OTUD7A: variants seen among roughly 807,000 people sequenced by gnomAD.
OTUD7A encodes the protein OTU deubiquitinase 7A.
OTUD7A carries 12 observed loss-of-function variants against 65.7 expected under a neutral mutation model. The observed-to-expected ratio is 0.18, with a 90% CI of 0.12 to 0.30. The LOEUF is 0.30. OTUD7A is among the 10% of genes least tolerant of loss of function. OTUD7A has a pLI of 1.00. For missense variants in OTUD7A, 1,148 were observed against 1,304.8 expected (o/e 0.88, Z 1.85); for synonymous variants, 641 against 586.3 (o/e 1.09, Z -1.35).
At chr15:31,628,132 A>G (rs1891022085) in intron 3 of OTUD7A, among the ~76,000 whole-genome samples, 1 of 152,056 alleles carries the variant, frequency 6.6e-6, no homozygotes, top group African/African-American at 2.4e-5. Context: ...TTTTGTTGCC[A>G]TTGCTTTTGG....
intron 3 of OTUD7A, among the ~76,000 whole-genome samples, chr15:31,583,494 G>A (rs1305326911): frequency 6.6e-6 from 1 of 152,078 alleles, no homozygotes; most frequent in Admixed American, 6.5e-5. Flanking sequence ...TTGTAGGAAG[G>A]AGCCAGTGGG....
chr15:31,772,727 G>T (rs541712362), intron 1 of OTUD7A, among the ~76,000 whole-genome samples: 4 of 152,218 alleles, frequency 2.6e-5, no homozygotes, highest in Non-Finnish European at 4.4e-5. Context: ...CTCTTAAAAA[G>T]AAAAATATAT....
At chr15:31,546,708 C>T (rs1020137475) in intron 5 of OTUD7A, among the ~76,000 whole-genome samples, 3 of 152,146 alleles carry the variant, frequency 2.0e-5, no homozygotes, top group Admixed American at 2.0e-4. Context: ...TGAGCTAAGA[C>T]ACCAAAAAAT....
At chr15:31,827,618 T>A (rs917298915) in intron 1 of OTUD7A, among the ~76,000 whole-genome samples, 1 of 152,198 alleles carries the variant, frequency 6.6e-6, no homozygotes, top group African/African-American at 2.4e-5. Flanking sequence ...TTCTCCTTCT[T>A]TTCTAAAACT....
intron 3 of OTUD7A, among the ~76,000 whole-genome samples, chr15:31,633,778 ACCCCATAAAGG>A (rs978027377): frequency 9.9e-5 from 15 of 152,014 alleles, no homozygotes; most frequent in African/African-American, 3.4e-4. Flanking sequence ...GATGGCCTGG[ACCCCATAAAGG>A]CTTCAGCCCT....
intron 1 of OTUD7A, among the ~76,000 whole-genome samples, chr15:31,810,940 C>G (rs36026100): frequency 6.6e-6 from 1 of 152,180 alleles, no homozygotes; most frequent in South Asian, 2.1e-4. Context: ...ATGAGAAAGT[C>G]CCCAGTCCAT....
intron 3 of OTUD7A, among the ~76,000 whole-genome samples, chr15:31,593,496 T>C (rs990712756): frequency 7.2e-5 from 11 of 152,210 alleles, no homozygotes; most frequent in African/African-American, 2.6e-4. Flanking sequence ...AAACTCTGCT[T>C]ATAATTGGCC....
Position 31,534,709 on chromosome 15 carries a change from G to A in OTUD7A, c.551-3901C>T, listed in dbSNP as rs79114944. Among the ~76,000 whole-genome samples, 534 of 152,236 alleles carry A rather than the reference G, an allele frequency of 3.5e-3. 4 individuals are homozygous for A. The highest frequency in any genetic ancestry group is 0.012 in the African/African-American group (504 of 41,534). On this transcript the variant is annotated intron_variant, in intron 5 of 12. Coordinates refer to ENST00000307050, the MANE Select transcript of OTUD7A (RefSeq NM_001382637.1). ...AATAAGCAATTTTTTAAGGTCACAG[G>A]ATACAAGATCAATATACACAAATCA...
At chr15:31,724,990 G>C (rs539018475) in intron 1 of OTUD7A, among the ~76,000 whole-genome samples, 18 of 152,312 alleles carry the variant, frequency 1.2e-4, no homozygotes, top group Non-Finnish European at 1.8e-4. Context: ...GGACCCACCA[G>C]ATTCCAAGCC....
At chr15:31,638,272 T>C (rs989013666) in intron 3 of OTUD7A, among the ~76,000 whole-genome samples, 3 of 152,212 alleles carry the variant, frequency 2.0e-5, no homozygotes, top group African/African-American at 7.2e-5. Context: ...CTCAGATGAT[T>C]GTTAGCATTT....
At chr15:31,699,585 T>G (rs1372973122) in intron 1 of OTUD7A, among the ~76,000 whole-genome samples, 7 of 152,184 alleles carry the variant, frequency 4.6e-5, no homozygotes, top group African/African-American at 1.4e-4. Flanking sequence ...ACTGGGCTGC[T>G]TGGATCTGAG....
chr15:31,817,022 G>C (rs1053986936), intron 1 of OTUD7A, among the ~76,000 whole-genome samples: 1 of 152,066 alleles, frequency 6.6e-6, no homozygotes, highest in Non-Finnish European at 1.5e-5. Flanking sequence ...CAAAATTTCA[G>C]AATTACATGT....
intron 10 of OTUD7A, among the ~76,000 whole-genome samples, chr15:31,492,118 AAC>A (rs1453589186): frequency 2.0e-5 from 3 of 152,234 alleles, no homozygotes; most frequent in African/African-American, 4.8e-5. Flanking sequence ...TAATTGCTCT[AAC>A]AGATAACTGT....
At chr15:31,621,574 T>C (rs1890784262) in intron 3 of OTUD7A, among the ~76,000 whole-genome samples, 1 of 147,756 alleles carries the variant, frequency 6.8e-6, no homozygotes, top group Admixed American at 6.8e-5. Flanking sequence ...TATCAGAGAC[T>C]AGGATTGCAA....
chr15:31,588,704 G>A (rs555424677), intron 3 of OTUD7A, among the ~76,000 whole-genome samples: 6 of 152,120 alleles, frequency 3.9e-5, no homozygotes, highest in South Asian at 2.1e-4. Flanking sequence ...TGATGGTTCC[G>A]CTCCACACAC....
intron 3 of OTUD7A, among the ~76,000 whole-genome samples, chr15:31,636,863 A>C (rs1891357307): frequency 6.6e-6 from 1 of 152,018 alleles, no homozygotes; most frequent in Non-Finnish European, 1.5e-5. Flanking sequence ...CAAGACCCTA[A>C]CTCTCTTCAA....
chr15:31,477,051 G>A lies in OTUD7A; in HGVS notation c.*6243C>T, dbSNP rs1199686020. ...GGTGTCAAGGCCCTGACCTTCCAGT[G>A]CACCTCCACCAGTGGCCAATGGGGA... On this transcript the variant is annotated 3_prime_UTR_variant, in exon 13 of 13. Transcript: ENST00000307050. The A allele has an allele frequency of 6.6e-6, 1 of 152,422 alleles. No individual in the cohort carries two copies. The highest frequency in any genetic ancestry group is 1.5e-5 in the Non-Finnish European group (1 of 68,190). The allele number at this position is 152,422 out of a possible 1,614,324, so 9.4% of individuals were successfully genotyped here.
intron 1 of OTUD7A, chr15:31,768,134 G>C: frequency 1.9e-6 from 3 of 1,590,654 alleles, no homozygotes; most frequent in South Asian, 1.1e-5. Context: ...TGCTCGAAAA[G>C]ATGTGGTAAC....
chr15:31,666,467 T>G (rs575331921), intron 1 of OTUD7A, among the ~76,000 whole-genome samples: 1 of 152,144 alleles, frequency 6.6e-6, no homozygotes, highest in African/African-American at 2.4e-5. Context: ...ATCTTTTGTA[T>G]TTCTGTGGTG....
Sources: gnomAD v4.1 joint callset for allele counts (sites outside exome capture counted in the v4.1 genomes callset) on GRCh38, gnomAD v4.1.1 for gene constraint, MANE v1.5 for transcripts, NCBI Gene and HGNC (gene_info 2026-07-23, HGNC 2026-07-21) for gene names.